Variants in SHISA9 observed in about 807,000 individuals in gnomAD.
SHISA9 encodes protein shisa-9.
Under a neutral mutation model 38.0 loss-of-function variants are expected in SHISA9, and 13 were observed. The observed-to-expected ratio is 0.34, with a 90% CI of 0.22 to 0.54. SHISA9 has a LOEUF of 0.54. Among genes scored for constraint, SHISA9 ranks in the 20% least tolerant of loss-of-function variants. The pLI, the probability that SHISA9 is intolerant of heterozygous loss-of-function variation, is 0.91. For missense variants in SHISA9, 538 were observed against 575.8 expected (o/e 0.93, Z 0.67); for synonymous variants, 275 against 242.0 (o/e 1.14, Z -1.27).
At chr16:13,447,770 T>A in the SHISA9 span, among the ~76,000 whole-genome samples, 1 of 152,234 alleles carries the variant, frequency 6.6e-6, no homozygotes, top group Non-Finnish European at 1.5e-5. Context: ...AAACTCTTTT[T>A]TTTCTATCCC....
At chr16:13,364,045 G>A in the SHISA9 span, among the ~76,000 whole-genome samples, 2 of 152,190 alleles carry the variant, frequency 1.3e-5, no homozygotes, top group African/African-American at 4.8e-5. Flanking sequence ...TCTGAGGGAT[G>A]GAGCTAAGAA....
At chr16:13,249,631 T>C in the SHISA9 span, among the ~76,000 whole-genome samples, 1 of 152,144 alleles carries the variant, frequency 6.6e-6, no homozygotes, top group African/African-American at 2.4e-5. Context: ...ATTTTTTCTC[T>C]CTTTCTCTGT....
chr16:13,196,319 C>G (rs1281984236), intron 2 of SHISA9, among the ~76,000 whole-genome samples: 3 of 148,758 alleles, frequency 2.0e-5, no homozygotes, highest in African/African-American at 5.0e-5. Context: ...ATGGCGTGAA[C>G]CCAGGAGGCG....
chr16:13,369,304 A>G, the SHISA9 span, among the ~76,000 whole-genome samples: 1 of 152,190 alleles, frequency 6.6e-6, no homozygotes, highest in Non-Finnish European at 1.5e-5. Context: ...GAGATTAGGA[A>G]CACTACAAAG....
intron 1 of SHISA9, among the ~76,000 whole-genome samples, chr16:12,912,818 T>A (rs1166134062): frequency 1.3e-5 from 2 of 152,220 alleles, no homozygotes; most frequent in Non-Finnish European, 2.9e-5. Context: ...GGACACCTTG[T>A]CACGTGCCCC....
rs771769698 is a variant in SHISA9 at position 13,098,129 on chromosome 16, G to A, written c.692-105265G>A. Among the ~76,000 whole-genome samples the A allele has an allele frequency of 1.2e-4, 18 of 152,188 alleles. 1 individual carries two copies. The highest frequency in any genetic ancestry group is 9.8e-4 in the Admixed American group (15 of 15,280). On this transcript the variant is annotated intron_variant, in intron 2 of 4. Coordinates refer to ENST00000558583, the MANE Select transcript of SHISA9 (RefSeq NM_001145204.3). ...CACCTGTCCCAGGTTTTGGACCAGG[G>A]TTAGTTGACTCCAGAGTACCTGCTC...
intron 2 of SHISA9, among the ~76,000 whole-genome samples, chr16:12,932,364 T>G (rs1465217885): frequency 6.6e-6 from 1 of 152,156 alleles, no homozygotes; most frequent in East Asian, 1.9e-4. Flanking sequence ...TTTTTTGAGA[T>G]GGAGTCTTAC....
the SHISA9 span, among the ~76,000 whole-genome samples, chr16:13,316,069 A>G: frequency 6.6e-6 from 1 of 151,930 alleles, no homozygotes; most frequent in South Asian, 2.1e-4. Context: ...CAAGCTAAAG[A>G]TGAAGGATGG....
the SHISA9 span, among the ~76,000 whole-genome samples, chr16:13,467,248 A>T: frequency 1.1e-4 from 16 of 152,210 alleles, no homozygotes; most frequent in South Asian, 2.3e-3. Flanking sequence ...GGTAGCATCC[A>T]ATCTCCTGGG....
At chr16:13,296,402 G>C in the SHISA9 span, among the ~76,000 whole-genome samples, 879 of 151,112 alleles carry the variant, frequency 5.8e-3, 7 homozygotes, top group African/African-American at 0.02. Flanking sequence ...TTTGCTGTGC[G>C]TGCTGTTTTT....
intron 3 of SHISA9, among the ~76,000 whole-genome samples, chr16:13,204,049 C>T (rs1020533745): frequency 6.6e-6 from 1 of 152,168 alleles, no homozygotes; most frequent in South Asian, 2.1e-4. Context: ...ATCCATCCAT[C>T]CATCCTTCTA....
the SHISA9 span, among the ~76,000 whole-genome samples, chr16:13,313,248 C>A: frequency 1.7e-5 from 1 of 58,500 alleles, no homozygotes. Flanking sequence ...GAGCGAGACT[C>A]CGTCTCAAAA....
intron 2 of SHISA9, among the ~76,000 whole-genome samples, chr16:13,081,094 C>A (rs2073643477): frequency 6.6e-6 from 1 of 152,212 alleles, no homozygotes; most frequent in Non-Finnish European, 1.5e-5. Context: ...CGGAGAGATA[C>A]AAAAACATTC....
chr16:13,126,163 A>G (rs957909581), intron 2 of SHISA9, among the ~76,000 whole-genome samples: 9 of 152,224 alleles, frequency 5.9e-5, no homozygotes, highest in Admixed American at 2.6e-4. Flanking sequence ...CCCCATGTGC[A>G]TAGATCAGTT....
chr16:13,338,197 C>A, the SHISA9 span, among the ~76,000 whole-genome samples: 1 of 152,182 alleles, frequency 6.6e-6, no homozygotes, highest in South Asian at 2.1e-4. Context: ...TGGTAAGCAT[C>A]TGAGTCCTGG....
intron 2 of SHISA9, among the ~76,000 whole-genome samples, chr16:13,155,589 GGTGTGTGTGT>G: frequency 6.6e-6 from 1 of 151,294 alleles, no homozygotes; most frequent in Admixed American, 6.6e-5. Flanking sequence ...TTGTGTGTGT[GGTGTGTGTGT>G]GTGTGTCTGT....
intron 1 of SHISA9, among the ~76,000 whole-genome samples, chr16:12,904,167 C>T (rs1056612525): frequency 6.6e-6 from 1 of 152,106 alleles, no homozygotes; most frequent in African/African-American, 2.4e-5. Context: ...CCAGGCCAGT[C>T]CCTGTTAATT....
At chr16:13,410,792 A>C in the SHISA9 span, among the ~76,000 whole-genome samples, 2 of 152,160 alleles carry the variant, frequency 1.3e-5, no homozygotes, top group African/African-American at 4.8e-5. Context: ...ATTCCCTTTC[A>C]CTGATAAAAA....
At chr16:13,082,453 A>G (rs1484859171) in intron 2 of SHISA9, 18 of 152,116 alleles carry the variant, frequency 1.2e-4, no homozygotes, top group Admixed American at 1.2e-3. Flanking sequence ...AAACAGCTGC[A>G]GCAGCTGCAC....
Sources: allele counts gnomAD v4.1 joint callset (sites outside exome capture counted in the v4.1 genomes callset), GRCh38; gene constraint gnomAD v4.1.1; transcripts MANE v1.5; gene names NCBI Gene and HGNC (gene_info 2026-07-23, HGNC 2026-07-21).